CEP350: variants seen among roughly 807,000 people sequenced by gnomAD.
CEP350 encodes centrosomal protein 350.
A neutral mutation model predicts 331.8 loss-of-function variants in CEP350; 126 were observed. That is an observed-to-expected ratio of 0.38 (90% CI 0.33 to 0.44). The LOEUF (loss-of-function observed/expected upper bound fraction) is 0.44. Ranked by LOEUF, CEP350 falls within the 20% of genes least tolerant of loss-of-function variation. The pLI is 1.00. For missense variants in CEP350, 3,406 were observed against 3,634.6 expected (o/e 0.94, Z 1.62); for synonymous variants, 1,200 against 1,259.5 (o/e 0.95, Z 1.00).
At chr1:179,986,916 A>G (rs779554421) in intron 2 of CEP350, among the ~76,000 whole-genome samples, 16 of 152,126 alleles carry the variant, frequency 1.1e-4, no homozygotes, top group Non-Finnish European at 2.4e-4. Flanking sequence ...ATAAAATTTT[A>G]TATTTGTTCA....
At chr1:180,095,432 T>C (rs914639287) in intron 34 of CEP350, 91 bp from the exon 35 acceptor site, 5 of 1,370,828 alleles carry the variant, frequency 3.6e-6, no homozygotes, top group Non-Finnish European at 4.9e-6. Flanking sequence ...ATATTAGATA[T>C]ATAAATAATG....
Position 180,092,959 on chromosome 1 carries a change from T to A in CEP350, c.6854T>A (p.Leu2285Gln), listed in dbSNP as rs768908980. 1 of 1,597,568 alleles carries A rather than the reference T, an allele frequency of 6.3e-7. No homozygotes were observed. Among genetic ancestry groups the A allele is most frequent in the South Asian group, 1.1e-5 (1 of 88,566 alleles). Residue 2285 changes from leucine to glutamine, a missense_variant, in exon 34 of 38, where the codon CTG (leucine) becomes CAG (glutamine). By Grantham distance (113) the Leu-to-Gln change is moderately radical. Transcript: ENST00000367607. ...AAAGAAGGTAAATCTGATGTCTTACTGAAATTAGTCCTAGAACAGGGAGAT... is the reference window on the plus strand; with the variant it reads ...AAAGAAGGTAAATCTGATGTCTTACAGAAATTAGTCCTAGAACAGGGAGAT... ...FSKEGKSDVL[L>Q]KLVLEQGDSS...
chr1:180,105,270 C>T (rs2149185404), intron 37 of CEP350, among the ~76,000 whole-genome samples: 1 of 152,180 alleles, frequency 6.6e-6, no homozygotes, highest in East Asian at 1.9e-4. Flanking sequence ...GGTTCATCCT[C>T]ACCTTGAAAT....
chr1:179,957,570 T>A (rs1238368377), intron 1 of CEP350, among the ~76,000 whole-genome samples: 1 of 152,202 alleles, frequency 6.6e-6, no homozygotes, highest in Non-Finnish European at 1.5e-5. Flanking sequence ...ACATAGTCAA[T>A]AAATACTAAT....
chr1:180,089,822 G>C (rs1294054342), intron 32 of CEP350, among the ~76,000 whole-genome samples: 1 of 152,114 alleles, frequency 6.6e-6, no homozygotes, highest in African/African-American at 2.4e-5. Flanking sequence ...AGGAGGATAA[G>C]CACATATATA....
chr1:179,982,213 C>T (rs1465173882), intron 1 of CEP350, among the ~76,000 whole-genome samples: 2 of 152,120 alleles, frequency 1.3e-5, no homozygotes, highest in Non-Finnish European at 2.9e-5. Context: ...TTTCAGCCAC[C>T]TCTCTAGCCA....
At chr1:180,044,256 A>C in intron 21 of CEP350, 83 bp downstream of exon 21, 1 of 1,329,424 alleles carries the variant, frequency 7.5e-7, no homozygotes. Context: ...TGATTTCTTA[A>C]TCTTGTTTAT....
In CEP350 at chr1:180,087,465, A is replaced by G. The variant is rs533803632; in HGVS notation, c.6286-113A>G. 84 of 988,782 alleles carry G rather than the reference A, an allele frequency of 8.5e-5. No homozygotes were observed. The African/African-American group carries it at 1.2e-3, about 15-fold the overall frequency. 61.3% of individuals were successfully genotyped at this position (988,782 alleles called of 1,614,324 possible). A position where few individuals can be genotyped will look rare whatever the true frequency, so the allele number is the denominator to read the frequency against. On this transcript the variant is annotated intron_variant, in intron 31 of 37. Transcript: ENST00000367607. ...GAGGGGGGCAGGGAGGGAGATTTTT[A>G]TATTACATCTTCTTTACTGTTTGAG... is the stretch of plus-strand genomic sequence containing the variant.
At chr1:179,992,997 C>T (rs1653202968) in intron 5 of CEP350, among the ~76,000 whole-genome samples, 1 of 151,532 alleles carries the variant, frequency 6.6e-6, no homozygotes, top group Admixed American at 6.6e-5. Flanking sequence ...TTAAATTTTA[C>T]ATACCTTGAG....
intron 5 of CEP350, among the ~76,000 whole-genome samples, chr1:179,994,987 A>G (rs895811824): frequency 6.6e-6 from 1 of 152,216 alleles, no homozygotes; most frequent in East Asian, 1.9e-4. Context: ...TCAGTGCTAT[A>G]CAATAGAACC....
At chr1:180,096,482 T>G (rs1349858816) in intron 36 of CEP350, among the ~76,000 whole-genome samples, 1 of 152,056 alleles carries the variant, frequency 6.6e-6, no homozygotes, top group African/African-American at 2.4e-5. Context: ...AGGAAATACC[T>G]AGGGAGATAA....
chr1:179,969,115 C>A, intron 1 of CEP350: 1 of 670,212 alleles, frequency 1.5e-6, no homozygotes. Flanking sequence ...ACATTGCCAT[C>A]CCGTGCAACA....
At chr1:180,045,127 A>C (rs1571914913) in intron 21 of CEP350, among the ~76,000 whole-genome samples, 1 of 152,080 alleles carries the variant, frequency 6.6e-6, no homozygotes, top group East Asian at 1.9e-4. Flanking sequence ...AGATCACCTG[A>C]GGTTAGGAGT....
intron 25 of CEP350, among the ~76,000 whole-genome samples, chr1:180,060,753 G>A (rs987659357): frequency 6.6e-6 from 1 of 151,942 alleles, no homozygotes; most frequent in African/African-American, 2.4e-5. Context: ...AATTAGCATG[G>A]TGAAATATCA....
Position 180,102,131 on chromosome 1 carries a change from G to C in CEP350, c.9189+3146G>C, listed in dbSNP as rs573262084. The stretch of plus-strand genomic sequence containing the variant: ...CCTGCCACTGAGGCCTAACACCCTT[G>C]ACATTTTTTTTTTTTTTTTTTTGAG... On this transcript the variant is annotated intron_variant, in intron 37 of 37. Transcript: ENST00000367607. 4.4e-4 allele frequency among the ~76,000 whole-genome samples: 66 copies of C among 149,026 alleles called. No individual in the cohort carries two copies. In the South Asian group the frequency reaches 9.5e-3, roughly 21 times the overall value.
At chr1:180,047,180 A>G (rs1488946606) in intron 21 of CEP350, among the ~76,000 whole-genome samples, 1 of 152,194 alleles carries the variant, frequency 6.6e-6, no homozygotes, top group Non-Finnish European at 1.5e-5. Context: ...CAGCAAGGGC[A>G]TTTTGGAAGA....
chr1:180,056,009 TC>T (rs1313962711), intron 25 of CEP350, among the ~76,000 whole-genome samples: 2 of 152,160 alleles, frequency 1.3e-5, no homozygotes, highest in African/African-American at 4.8e-5. Flanking sequence ...TATAAATTTA[TC>T]CCTCATTCTG....
chr1:180,033,744 TCA>T, intron 15 of CEP350, 116 bp from the exon 16 acceptor site: 1 of 1,022,202 alleles, frequency 9.8e-7, no homozygotes, highest in South Asian at 1.7e-5. Flanking sequence ...AATGCCTAAA[TCA>T]CAACTTTTTA....
At chr1:180,100,858 C>A (rs550366484) in intron 37 of CEP350, among the ~76,000 whole-genome samples, 3 of 152,122 alleles carry the variant, frequency 2.0e-5, no homozygotes. Flanking sequence ...ATTGCTATCA[C>A]GAGAATAGCA....
Sources: allele counts gnomAD v4.1 joint callset (sites outside exome capture counted in the v4.1 genomes callset), GRCh38; gene constraint gnomAD v4.1.1; transcripts MANE v1.5; gene names NCBI Gene and HGNC (gene_info 2026-07-23, HGNC 2026-07-21).